Variants in GLRA3 observed in about 807,000 individuals in gnomAD.
The protein encoded by GLRA3 is glycine receptor alpha 3, also known as glycine receptor subunit alpha-3.
In GLRA3, 44 loss-of-function variants were observed where a neutral mutation model predicts 60.4. The observed-to-expected ratio is 0.73, with a 90% CI of 0.57 to 0.94. The LOEUF (loss-of-function observed/expected upper bound fraction) is 0.94, where lower values mean the gene tolerates loss of function less well. Ranked by LOEUF, GLRA3 falls within the 40% of genes least tolerant of loss-of-function variation. The probability of loss-of-function intolerance (pLI) is 0.00; values close to 1 mark genes in which losing one functional copy is unlikely to be tolerated. For missense variants in GLRA3, 508 were observed against 564.6 expected, an observed-to-expected ratio of 0.90 and a Z score of 1.02; for synonymous variants, 223 against 192.9, an observed-to-expected ratio of 1.16 and a Z score of -1.29.
chr4:174,803,354 A>C (rs910615374), intron 1 of GLRA3, among the ~76,000 whole-genome samples: 4 of 152,140 alleles, frequency 2.6e-5, no homozygotes, highest in African/African-American at 7.2e-5. Context: ...TTAATGACTT[A>C]TTTATTTTAA....
intron 1 of GLRA3, among the ~76,000 whole-genome samples, chr4:174,815,389 C>T (rs552741800): frequency 5.3e-5 from 8 of 152,272 alleles, no homozygotes; most frequent in African/African-American, 1.7e-4. Context: ...AAGATGGTGG[C>T]CCTCTTCTCA....
intron 7 of GLRA3, among the ~76,000 whole-genome samples, chr4:174,659,929 G>A (rs1393815860): frequency 3.4e-5 from 5 of 147,528 alleles, no homozygotes; most frequent in Non-Finnish European, 7.4e-5. Context: ...CCGAGATCAC[G>A]CCACTTCACT....
At chr4:174,776,599 A>G (rs1738613046) in intron 2 of GLRA3, among the ~76,000 whole-genome samples, 1 of 152,124 alleles carries the variant, frequency 6.6e-6, no homozygotes, top group African/African-American at 2.4e-5. Flanking sequence ...CTAGAAAGCA[A>G]TCAAACAAAT....
At chr4:174,796,797 A>G (rs1739589115) in intron 1 of GLRA3, among the ~76,000 whole-genome samples, 1 of 152,000 alleles carries the variant, frequency 6.6e-6, no homozygotes, top group Admixed American at 6.6e-5. Context: ...AGCCTCCCAA[A>G]TTGCTGGGAT....
At chr4:174,826,874 CTTT>C (rs11338097) in intron 1 of GLRA3, among the ~76,000 whole-genome samples, 3 of 130,376 alleles carry the variant, frequency 2.3e-5, no homozygotes, top group African/African-American at 5.5e-5. Flanking sequence ...AGGGAGCTTC[CTTT>C]TTTTTTTTTT....
intron 7 of GLRA3, among the ~76,000 whole-genome samples, chr4:174,661,168 C>A (rs59132438): frequency 0.016 from 2,494 of 152,142 alleles, 72 homozygotes; most frequent in African/African-American, 0.056. Context: ...AGCAATCACA[C>A]ACACACACAC....
At chr4:174,810,683 T>G (rs1740228133) in intron 1 of GLRA3, among the ~76,000 whole-genome samples, 1 of 152,110 alleles carries the variant, frequency 6.6e-6, no homozygotes, top group African/African-American at 2.4e-5. Context: ...ATAAAGACTT[T>G]GAAATCCATT....
intron 3 of GLRA3, among the ~76,000 whole-genome samples, chr4:174,742,434 T>C (rs1437762275): frequency 6.6e-6 from 1 of 152,118 alleles, no homozygotes; most frequent in Admixed American, 6.5e-5. Flanking sequence ...TTAGTCTTAA[T>C]ATAAGTAATA....
intron 1 of GLRA3, among the ~76,000 whole-genome samples, chr4:174,813,603 T>C (rs1272086060): frequency 6.6e-6 from 1 of 152,230 alleles, no homozygotes; most frequent in Non-Finnish European, 1.5e-5. Flanking sequence ...TTCAAAGATA[T>C]AATTGTGCAT....
chr4:174,690,559 G>A (rs75016189), intron 5 of GLRA3, among the ~76,000 whole-genome samples: 1 of 152,026 alleles, frequency 6.6e-6, no homozygotes, highest in Admixed American at 6.6e-5. Context: ...TGTTACATAC[G>A]TAAACACATG....
At chr4:174,746,312 TA>T (rs1026434364) in intron 3 of GLRA3, among the ~76,000 whole-genome samples, 1 of 152,104 alleles carries the variant, frequency 6.6e-6, no homozygotes. Flanking sequence ...CTGTTCAGCC[TA>T]AAAAAAGTTT....
intron 4 of GLRA3, among the ~76,000 whole-genome samples, chr4:174,726,405 TG>T (rs1736325496): frequency 6.6e-6 from 1 of 152,212 alleles, no homozygotes; most frequent in South Asian, 2.1e-4. Context: ...TGGGCTTTGC[TG>T]TCTTAAGGGG....
intron 4 of GLRA3, among the ~76,000 whole-genome samples, chr4:174,719,165 G>A (rs1388428698): frequency 1.3e-5 from 2 of 151,084 alleles, no homozygotes; most frequent in African/African-American, 2.4e-5. Context: ...GGGTTTCACC[G>A]TGTTAGCCAG....
Position 174,640,166 on chromosome 4 carries a change from T to C in GLRA3, c.*3620A>G, listed in dbSNP as rs1732592628. Reference sequence around the variant, plus strand: ...GTGGAATCACTTTTGGAGTAGAAGATATCATGACCTCAAGGATTGTTAATG... The same window carrying C: ...GTGGAATCACTTTTGGAGTAGAAGACATCATGACCTCAAGGATTGTTAATG... On this transcript the variant is annotated 3_prime_UTR_variant, in exon 10 of 10. Coordinates refer to ENST00000274093, the MANE Select transcript of GLRA3 (RefSeq NM_006529.4). 1 of 152,126 alleles carries C rather than the reference T, an allele frequency of 6.6e-6. No individual in the cohort carries two copies. The highest frequency in any genetic ancestry group is 2.1e-4 in the South Asian group (1 of 4,826). 9.4% of individuals were successfully genotyped at this position (152,126 alleles called of 1,614,324 possible).
At chr4:174,666,287 A>G (rs1244399718) in intron 7 of GLRA3, among the ~76,000 whole-genome samples, 1 of 152,150 alleles carries the variant, frequency 6.6e-6, no homozygotes, top group East Asian at 1.9e-4. Context: ...TTGATCCTAA[A>G]ATCTGACAGT....
intron 7 of GLRA3, among the ~76,000 whole-genome samples, chr4:174,660,152 A>G (rs1733380975): frequency 6.6e-6 from 1 of 152,064 alleles, no homozygotes; most frequent in Admixed American, 6.6e-5. Context: ...AAAATTTGAC[A>G]TTTATAACAT....
At chr4:174,734,354 C>G (rs528805178) in intron 3 of GLRA3, among the ~76,000 whole-genome samples, 72 of 152,228 alleles carry the variant, frequency 4.7e-4, no homozygotes, top group African/African-American at 1.7e-3. Flanking sequence ...CTGTAATATC[C>G]CCCATGTTGC....
chr4:174,667,156 G>T (rs1285264875), intron 7 of GLRA3, among the ~76,000 whole-genome samples: 1 of 152,084 alleles, frequency 6.6e-6, no homozygotes, highest in Non-Finnish European at 1.5e-5. Flanking sequence ...GACTGGTAGT[G>T]GCACAGGTTG....
chr4:174,767,858 C>T (rs1166917930), intron 2 of GLRA3, among the ~76,000 whole-genome samples: 1 of 152,032 alleles, frequency 6.6e-6, no homozygotes, highest in Non-Finnish European at 1.5e-5. Context: ...CTCCAGATTG[C>T]AAGGATATGT....
Sources: allele counts gnomAD v4.1 joint callset (sites outside exome capture counted in the v4.1 genomes callset), GRCh38; gene constraint gnomAD v4.1.1; transcripts MANE v1.5; gene names NCBI Gene and HGNC (gene_info 2026-07-23, HGNC 2026-07-21).